SNX18: variants seen among roughly 807,000 people sequenced by gnomAD.
SNX18 encodes sorting nexin 18.
SNX18 carries 35 observed loss-of-function variants against 48.7 expected under a neutral mutation model. The ratio of observed to expected loss-of-function variants is 0.72; its 90% CI spans 0.55 to 0.95. The LOEUF is 0.95. SNX18 is among the 40% of genes least tolerant of loss of function. The pLI is 0.00. For synonymous variants in SNX18, 492 were observed against 384.7 expected (o/e 1.28, Z -3.26); for missense variants, 824 against 871.0 (o/e 0.95, Z 0.68).
chr5:54,647,450 G>A, the SNX18 span, among the ~76,000 whole-genome samples: 9 of 152,168 alleles, frequency 5.9e-5, no homozygotes, highest in African/African-American at 1.9e-4. Context: ...TTCACCTAGA[G>A]GAGAGGAAAG....
At chr5:54,613,649 T>C in the SNX18 span, among the ~76,000 whole-genome samples, 3 of 152,204 alleles carry the variant, frequency 2.0e-5, no homozygotes, top group African/African-American at 7.2e-5. Context: ...CAGATGAAAG[T>C]GTGAACTTCT....
At chr5:54,572,108 C>T in the SNX18 span, among the ~76,000 whole-genome samples, 7 of 152,276 alleles carry the variant, frequency 4.6e-5, 1 homozygote, top group Non-Finnish European at 7.3e-5. Flanking sequence ...GTGCCAGCCT[C>T]CTTTTCACCT....
chr5:54,627,214 G>C, the SNX18 span, among the ~76,000 whole-genome samples: 1 of 152,188 alleles, frequency 6.6e-6, no homozygotes, highest in African/African-American at 2.4e-5. Flanking sequence ...TTTTGTTGTA[G>C]CTGAAAAGCA....
the SNX18 span, among the ~76,000 whole-genome samples, chr5:54,578,872 C>T: frequency 6.6e-6 from 1 of 152,140 alleles, no homozygotes; most frequent in African/African-American, 2.4e-5. Context: ...TGGGGAGATG[C>T]AGGAATGTAG....
At chr5:54,519,649 C>T (rs755262355) in intron 1 of SNX18, 76 bp downstream of exon 1, 5 of 1,614,178 alleles carry the variant, frequency 3.1e-6, no homozygotes, top group Non-Finnish European at 2.5e-6. Context: ...ACAGCAGTAC[C>T]ACTGTGGGTT....
chr5:54,636,993 C>A, the SNX18 span, among the ~76,000 whole-genome samples: 1 of 152,212 alleles, frequency 6.6e-6, no homozygotes, highest in South Asian at 2.1e-4. Context: ...TATTTTTTTA[C>A]CTTAAATATA....
At chr5:54,611,496 T>C in the SNX18 span, among the ~76,000 whole-genome samples, 1 of 152,090 alleles carries the variant, frequency 6.6e-6, no homozygotes, top group African/African-American at 2.4e-5. Context: ...TAGATTCCAT[T>C]CTCCTGCTGA....
the SNX18 span, among the ~76,000 whole-genome samples, chr5:54,563,039 TAAAAA>T: frequency 6.6e-6 from 1 of 152,110 alleles, no homozygotes; most frequent in Non-Finnish European, 1.5e-5. Context: ...ATAAGAATAT[TAAAAA>T]AGAAAATAAT....
At chr5:54,624,646 G>A in the SNX18 span, among the ~76,000 whole-genome samples, 7 of 152,298 alleles carry the variant, frequency 4.6e-5, no homozygotes, top group East Asian at 1.9e-4. Flanking sequence ...TCATGATACC[G>A]TGGCAAAAGG....
chr5:54,563,702 G>A, the SNX18 span, among the ~76,000 whole-genome samples: 5 of 152,094 alleles, frequency 3.3e-5, no homozygotes, highest in South Asian at 2.1e-4. Flanking sequence ...TGTGACTCTG[G>A]CAGTCTGATC....
At chr5:54,644,874 G>T in the SNX18 span, 1 of 152,336 alleles carries the variant, frequency 6.6e-6, no homozygotes, top group Admixed American at 6.5e-5. Flanking sequence ...GCTAATCTCT[G>T]GACTTAACTT....
chr5:54,597,530 C>A, the SNX18 span, among the ~76,000 whole-genome samples: 2 of 151,854 alleles, frequency 1.3e-5, no homozygotes, highest in African/African-American at 4.8e-5. Context: ...AAGACTGAAA[C>A]CATAACAGTC....
the SNX18 span, among the ~76,000 whole-genome samples, chr5:54,628,810 C>T: frequency 1.3e-5 from 2 of 152,236 alleles, no homozygotes; most frequent in African/African-American, 2.4e-5. Flanking sequence ...CACTTTAACC[C>T]GTGCTGCAGC....
At chr5:54,621,967 G>T in the SNX18 span, among the ~76,000 whole-genome samples, 2 of 152,274 alleles carry the variant, frequency 1.3e-5, no homozygotes, top group African/African-American at 4.8e-5. Flanking sequence ...GAATTTGACC[G>T]CTCCAACTGC....
At chr5:54,579,469 A>C in the SNX18 span, among the ~76,000 whole-genome samples, 6 of 152,232 alleles carry the variant, frequency 3.9e-5, no homozygotes, top group Admixed American at 2.0e-4. Flanking sequence ...AAGGATGTAA[A>C]TATAGAATCA....
the SNX18 span, among the ~76,000 whole-genome samples, chr5:54,579,621 A>T: frequency 6.6e-6 from 1 of 152,190 alleles, no homozygotes; most frequent in Non-Finnish European, 1.5e-5. Context: ...ATGTAAGGGG[A>T]TGTGAGAGTC....
chr5:54,599,243 A>G, the SNX18 span, among the ~76,000 whole-genome samples: 1 of 152,304 alleles, frequency 6.6e-6, no homozygotes, highest in Admixed American at 6.5e-5. Flanking sequence ...TGCTACAAAG[A>G]GAGTAAAATA....
the SNX18 span, among the ~76,000 whole-genome samples, chr5:54,637,856 A>C: frequency 0.021 from 3,226 of 152,316 alleles, 111 homozygotes; most frequent in African/African-American, 0.072. Context: ...CCAGAAGAGC[A>C]AACCTAAGTC....
the SNX18 span, among the ~76,000 whole-genome samples, chr5:54,604,401 T>A: frequency 6.6e-6 from 1 of 152,200 alleles, no homozygotes; most frequent in South Asian, 2.1e-4. Context: ...AAATGAAATG[T>A]GATAAGTACA....
Sources: allele counts gnomAD v4.1 joint callset (sites outside exome capture counted in the v4.1 genomes callset), GRCh38; gene constraint gnomAD v4.1.1; transcripts MANE v1.5; gene names NCBI Gene and HGNC (gene_info 2026-07-23, HGNC 2026-07-21).